Variants in APPBP2 observed in about 807,000 individuals in gnomAD.
APPBP2 encodes the protein amyloid beta precursor protein binding protein 2.
Under a neutral mutation model 76.0 loss-of-function variants are expected in APPBP2, and 15 were observed. The observed-to-expected ratio is 0.20, with a 90% CI of 0.13 to 0.30. APPBP2 has a LOEUF of 0.30. Ranked by LOEUF, APPBP2 falls within the 10% of genes least tolerant of loss-of-function variation. The probability of loss-of-function intolerance (pLI) is 1.00; values close to 1 mark genes in which losing one functional copy is unlikely to be tolerated. For missense variants in APPBP2, 401 were observed against 687.2 expected, an observed-to-expected ratio of 0.58 and a Z score of 4.66; for synonymous variants, 222 against 242.2, an observed-to-expected ratio of 0.92 and a Z score of 0.77.
intron 9 of APPBP2, among the ~76,000 whole-genome samples, chr17:60,458,313 A>G (rs1174253305): frequency 2.0e-5 from 3 of 152,004 alleles, no homozygotes; most frequent in Non-Finnish European, 4.4e-5. Context: ...GTGTGCCTGT[A>G]ATTCCAGCTA....
chr17:60,477,343 C>T (rs371280531), intron 4 of APPBP2: 3 of 152,006 alleles, frequency 2.0e-5, no homozygotes, highest in Non-Finnish European at 2.9e-5. Flanking sequence ...AAAGCACATA[C>T]AAAAAAGAAA....
At chr17:60,467,178 C>G (rs183590265) in intron 4 of APPBP2, among the ~76,000 whole-genome samples, 1 of 151,984 alleles carries the variant, frequency 6.6e-6, no homozygotes, top group Non-Finnish European at 1.5e-5. Flanking sequence ...TTATTAAATG[C>G]TAGCTAGAAC....
Position 60,483,779 on chromosome 17 carries a change from G to A in APPBP2, c.380-4508C>T, listed in dbSNP as rs1055926112. ...TTGGCTTTTGTTGCCATTGCTTTTC[G>A]TGTTTTAGACATGAAGTCCTTGCCC... On this transcript the variant is annotated intron_variant, in intron 3 of 12. Transcript: ENST00000083182. Among the ~76,000 whole-genome samples the A allele has an allele frequency of 3.3e-5, 5 of 152,248 alleles. No individual in the cohort carries two copies. In the East Asian group the frequency reaches 7.7e-4, roughly 23 times the overall value.
chr17:60,501,237 A>C (rs948381486), intron 1 of APPBP2, among the ~76,000 whole-genome samples: 16 of 151,928 alleles, frequency 1.1e-4, no homozygotes, highest in Non-Finnish European at 1.9e-4. Flanking sequence ...GCTTGAGCCC[A>C]GGAGTTGGAG....
intron 2 of APPBP2, among the ~76,000 whole-genome samples, chr17:60,497,369 G>A (rs2090784531): frequency 6.6e-6 from 1 of 151,746 alleles, no homozygotes; most frequent in African/African-American, 2.4e-5. Flanking sequence ...TGGGAGAGGG[G>A]GGCAAATGAA....
At chr17:60,464,138 G>A (rs1490932885) in intron 5 of APPBP2, 28 bp from the exon 6 acceptor site, 2 of 1,546,546 alleles carry the variant, frequency 1.3e-6, no homozygotes, top group Non-Finnish European at 1.8e-6. Flanking sequence ...AGAAGAGACA[G>A]AACTGTGGTT....
At chr17:60,509,659 G>T (rs944686103) in intron 1 of APPBP2, among the ~76,000 whole-genome samples, 2 of 152,004 alleles carry the variant, frequency 1.3e-5, no homozygotes, top group African/African-American at 4.8e-5. Flanking sequence ...AAAATTAGCC[G>T]GGCGTGGTGG....
intron 4 of APPBP2, among the ~76,000 whole-genome samples, chr17:60,470,680 T>C (rs1396269751): frequency 4.7e-4 from 66 of 141,274 alleles, no homozygotes; most frequent in Middle Eastern, 4.3e-3. Context: ...TGGGTTCAAG[T>C]GATTCTCCTG....
intron 3 of APPBP2, among the ~76,000 whole-genome samples, chr17:60,484,187 C>G (rs918525971): frequency 6.6e-6 from 1 of 152,154 alleles, no homozygotes; most frequent in African/African-American, 2.4e-5. Flanking sequence ...GTTCTTTTGG[C>G]TTAGGATTGG....
chr17:60,515,892 C>T (rs1368606052), intron 1 of APPBP2, among the ~76,000 whole-genome samples: 9 of 151,944 alleles, frequency 5.9e-5, no homozygotes, highest in African/African-American at 1.4e-4. Context: ...AAGCTGGGTG[C>T]GGTGGCTCAC....
chr17:60,449,093 C>T (rs749425598), intron 12 of APPBP2, among the ~76,000 whole-genome samples: 3 of 152,094 alleles, frequency 2.0e-5, no homozygotes, highest in Non-Finnish European at 4.4e-5. Flanking sequence ...AAATATACTA[C>T]CTTCGGGCTA....
intron 5 of APPBP2, 71 bp downstream of exon 5, chr17:60,466,220 G>A (rs1432705538): frequency 2.9e-6 from 4 of 1,370,182 alleles, no homozygotes; most frequent in Non-Finnish European, 4.0e-6. Flanking sequence ...AATAAGAGAA[G>A]ACTATTTGAT....
chr17:60,456,388 TAC>T lies in APPBP2; in HGVS notation c.1062-9_1062-8del. The T allele has an allele frequency of 8.0e-6, 12 of 1,504,100 alleles. No homozygotes were observed. The highest frequency in any genetic ancestry group is 1.1e-5 in the Non-Finnish European group (12 of 1,081,722). The allele number at this position is 1,504,100 out of a possible 1,614,324, so 93.2% of individuals were successfully genotyped here. ...AGCTCTTTCTGCATGAAATCTGTAA[TAC>T]AGATAGATACAGTCTGGCATTTCTT... On this transcript the variant is annotated splice_polypyrimidine_tract_variant and splice_region_variant and intron_variant, in intron 9 of 12. Coordinates refer to ENST00000083182, the MANE Select transcript of APPBP2 (RefSeq NM_006380.5).
At chr17:60,475,663 A>ACG (rs201654814) in intron 4 of APPBP2, among the ~76,000 whole-genome samples, 6,691 of 149,870 alleles carry the variant, frequency 0.045, 541 homozygotes, top group African/African-American at 0.16. Flanking sequence ...ACACACACAC[A>ACG]CACACACACA....
chr17:60,497,778 C>T (rs994967934), intron 2 of APPBP2, among the ~76,000 whole-genome samples: 13 of 151,974 alleles, frequency 8.6e-5, no homozygotes, highest in Non-Finnish European at 1.9e-4. Flanking sequence ...AAACTATATT[C>T]TTATTTTCCT....
chr17:60,484,392 C>T (rs1240111315), intron 3 of APPBP2, among the ~76,000 whole-genome samples: 1 of 152,126 alleles, frequency 6.6e-6, no homozygotes, highest in East Asian at 1.9e-4. Context: ...TTTGTGTCCT[C>T]TTTTATTTTG....
intron 4 of APPBP2, among the ~76,000 whole-genome samples, chr17:60,471,093 G>A (rs978239107): frequency 7.9e-5 from 12 of 151,758 alleles, no homozygotes; most frequent in Admixed American, 2.0e-4. Flanking sequence ...CACAGGGCCC[G>A]GCCTCATTTT....
chr17:60,497,489 G>T (rs1385971281), intron 2 of APPBP2, among the ~76,000 whole-genome samples: 1 of 152,086 alleles, frequency 6.6e-6, no homozygotes, highest in African/African-American at 2.4e-5. Context: ...ATAACTGAAA[G>T]AATATAACTG....
rs536666136 is a variant in APPBP2 at position 60,466,474 on chromosome 17, T to A, written c.504-15A>T. 1.2e-6 allele frequency: 2 copies of A among 1,607,184 alleles called. No individual in the cohort carries two copies. Among genetic ancestry groups the A allele is most frequent in the African/African-American group, 1.3e-5 (1 of 74,932 alleles). ...CATGAAGCAACCTATAAAACACCAA[T>A]AACATTGCTCTATTTTTGATATTTT... On this transcript the variant is annotated splice_polypyrimidine_tract_variant and intron_variant, in intron 4 of 12. Transcript: ENST00000083182.
Sources: allele counts gnomAD v4.1 joint callset (sites outside exome capture counted in the v4.1 genomes callset), GRCh38; gene constraint gnomAD v4.1.1; transcripts MANE v1.5; gene names NCBI Gene and HGNC (gene_info 2026-07-23, HGNC 2026-07-21).